Variants in EFNA5 observed in about 807,000 individuals in gnomAD.
EFNA5 encodes the protein ephrin-A5.
Under a neutral mutation model 22.9 loss-of-function variants are expected in EFNA5, and 5 were observed. The ratio of observed to expected loss-of-function variants is 0.22; its 90% confidence interval spans 0.11 to 0.46. The LOEUF is 0.46. EFNA5 is among the 20% of genes least tolerant of loss of function. The pLI is 0.99. For synonymous variants in EFNA5, 113 were observed against 112.2 expected (o/e 1.01, Z -0.04); for missense variants, 237 against 293.3 (o/e 0.81, Z 1.40).
intron 2 of EFNA5, among the ~76,000 whole-genome samples, chr5:107,399,238 G>C (rs1184002100): frequency 2.6e-5 from 4 of 151,474 alleles, no homozygotes; most frequent in African/African-American, 9.7e-5. Context: ...GATCACCTGA[G>C]GGTCAGAAGT....
intron 1 of EFNA5, among the ~76,000 whole-genome samples, chr5:107,653,641 G>A (rs1750775670): frequency 6.6e-6 from 1 of 152,180 alleles, no homozygotes; most frequent in Non-Finnish European, 1.5e-5. Context: ...GAGGGGTATG[G>A]AGATAAATAG....
intron 1 of EFNA5, among the ~76,000 whole-genome samples, chr5:107,495,143 T>C (rs1353710139): frequency 1.3e-5 from 2 of 152,156 alleles, no homozygotes; most frequent in Non-Finnish European, 2.9e-5. Context: ...GGAAGCTTTG[T>C]TCTTTCGCTC....
chr5:107,666,770 T>C (rs1276464033), intron 1 of EFNA5, among the ~76,000 whole-genome samples: 3 of 152,088 alleles, frequency 2.0e-5, no homozygotes, highest in African/African-American at 4.8e-5. Context: ...TTTCAGCAAA[T>C]AGTCAAAATA....
rs1222577153 is a variant in EFNA5, at chr5:107,538,243, A to G, written c.126-110734T>C. ...CTGAGTTTACTCAACATAGGGAAGC[A>G]CCTGGATTCTTCTCTCAGATTTGTC... On this transcript the variant is annotated intron_variant, in intron 1 of 4. Coordinates refer to ENST00000333274, the MANE Select transcript of EFNA5 (RefSeq NM_001962.3). Among the ~76,000 whole-genome samples the G allele has an allele frequency of 2.0e-5, 3 of 152,322 alleles. No homozygotes were observed. The East Asian group carries it at 5.8e-4, about 29-fold the overall frequency.
chr5:107,459,360 A>G (rs555128095), intron 1 of EFNA5, among the ~76,000 whole-genome samples: 1 of 149,168 alleles, frequency 6.7e-6, no homozygotes, highest in East Asian at 2.0e-4. Flanking sequence ...CTCAAAAAAA[A>G]TCAATTGGAA....
intron 1 of EFNA5, among the ~76,000 whole-genome samples, chr5:107,525,657 G>A (rs931255540): frequency 6.6e-6 from 1 of 152,144 alleles, no homozygotes; most frequent in African/African-American, 2.4e-5. Flanking sequence ...TTAAGTGGAA[G>A]TGGATTATCA....
At chr5:107,382,381 T>C (rs560484991) in intron 4 of EFNA5, among the ~76,000 whole-genome samples, 1 of 152,316 alleles carries the variant, frequency 6.6e-6, no homozygotes, top group South Asian at 2.1e-4. Flanking sequence ...AATTAATTAA[T>C]ATTTTTTTAG....
chr5:107,527,706 G>A lies in EFNA5; in HGVS notation c.126-100197C>T, dbSNP rs867627228. Among the ~76,000 whole-genome samples, 4 of 152,250 alleles carry A rather than the reference G, an allele frequency of 2.6e-5. 1 individual carries two copies. In the South Asian group the frequency reaches 8.3e-4, roughly 32 times the overall value. On this transcript the variant is annotated intron_variant, in intron 1 of 4. Transcript: ENST00000333274. ...AAAATTAATTTTCCTTTTCAGAGTA[G>A]TCTCATGCACATTATCTTATTTCAG...
chr5:107,580,864 A>G (rs1749058418), intron 1 of EFNA5, among the ~76,000 whole-genome samples: 1 of 152,180 alleles, frequency 6.6e-6, no homozygotes, highest in Admixed American at 6.5e-5. Flanking sequence ...GTTTTGGTCA[A>G]TTTGTTGTTC....
intron 1 of EFNA5, among the ~76,000 whole-genome samples, chr5:107,536,345 T>C (rs545448735): frequency 6.6e-6 from 1 of 152,248 alleles, no homozygotes; most frequent in Admixed American, 6.5e-5. Flanking sequence ...AGGCATCTGA[T>C]ATTTTTTCTT....
At chr5:107,538,359 T>C (rs778088928) in intron 1 of EFNA5, among the ~76,000 whole-genome samples, 33 of 152,242 alleles carry the variant, frequency 2.2e-4, no homozygotes, top group Non-Finnish European at 4.4e-4. Context: ...GCCTCTATTA[T>C]GTGCAAAGTA....
intron 1 of EFNA5, among the ~76,000 whole-genome samples, chr5:107,465,272 C>A (rs1749943071): frequency 6.6e-6 from 1 of 152,134 alleles, no homozygotes; most frequent in African/African-American, 2.4e-5. Flanking sequence ...GAGTGAACAT[C>A]AACATTTTAA....
intron 1 of EFNA5, among the ~76,000 whole-genome samples, chr5:107,497,570 T>G (rs1747019427): frequency 6.6e-6 from 1 of 152,134 alleles, no homozygotes; most frequent in Non-Finnish European, 1.5e-5. Flanking sequence ...AAGATGCTTG[T>G]TTGGTGTCTG....
At chr5:107,596,781 T>G (rs1301653961) in intron 1 of EFNA5, among the ~76,000 whole-genome samples, 1 of 151,924 alleles carries the variant, frequency 6.6e-6, no homozygotes, top group Non-Finnish European at 1.5e-5. Flanking sequence ...AAAGTAGACA[T>G]GAGGAAAAAA....
chr5:107,483,800 A>G (rs1750547653), intron 1 of EFNA5, among the ~76,000 whole-genome samples: 1 of 152,210 alleles, frequency 6.6e-6, no homozygotes, highest in Non-Finnish European at 1.5e-5. Flanking sequence ...GGGTAGAGTC[A>G]AACTGAAATC....
chr5:107,439,895 T>C (rs186835796), intron 1 of EFNA5, among the ~76,000 whole-genome samples: 8 of 152,302 alleles, frequency 5.3e-5, no homozygotes, highest in East Asian at 1.9e-4. Context: ...TTGTATTAAG[T>C]GCATTCTAGG....
chr5:107,477,172 GA>G (rs917641275), intron 1 of EFNA5, among the ~76,000 whole-genome samples: 50 of 151,950 alleles, frequency 3.3e-4, no homozygotes, highest in Admixed American at 5.9e-4. Context: ...TATCAAGAGA[GA>G]AAAAAAATGT....
chr5:107,624,457 A>G (rs530572679), intron 1 of EFNA5, among the ~76,000 whole-genome samples: 1 of 152,298 alleles, frequency 6.6e-6, no homozygotes, highest in South Asian at 2.1e-4. Flanking sequence ...TATAAAGTAG[A>G]TCACTTATTT....
In EFNA5 at chr5:107,407,520, A is replaced by T. The variant is rs145114462; in HGVS notation, c.418+19697T>A. The stretch of plus-strand genomic sequence containing the variant: ...TGGGAGAAGAATATTGAACAAGATG[A>T]CCTGGGCCAGGGACACTTATCAAAA... On this transcript the variant is annotated intron_variant, in intron 2 of 4. Coordinates refer to ENST00000333274, the MANE Select transcript of EFNA5 (RefSeq NM_001962.3). Among the ~76,000 whole-genome samples the T allele has an allele frequency of 2.2e-4, 33 of 152,326 alleles. No individual in the cohort carries two copies. In the East Asian group the frequency reaches 6.4e-3, roughly 29 times the overall value.
Sources: gnomAD v4.1 joint callset for allele counts (sites outside exome capture counted in the v4.1 genomes callset) on GRCh38, gnomAD v4.1.1 for gene constraint, MANE v1.5 for transcripts, NCBI Gene and HGNC (gene_info 2026-07-23, HGNC 2026-07-21) for gene names.